The following SNX29 variants were observed in gnomAD, a reference collection of about 807,000 sequenced individuals.
SNX29 encodes sorting nexin-29.
SNX29 carries 78 observed loss-of-function variants against 102.1 expected under a neutral mutation model. That is an observed-to-expected ratio of 0.76 (90% CI 0.64 to 0.92). The LOEUF (loss-of-function observed/expected upper bound fraction) is 0.92. Among genes scored for constraint, SNX29 ranks in the 40% least tolerant of loss-of-function variants. The pLI is 0.00. For synonymous variants in SNX29, 580 were observed against 414.5 expected, an observed-to-expected ratio of 1.40 and a Z score of -4.85; for missense variants, 1,280 against 1,061.7, an observed-to-expected ratio of 1.21 and a Z score of -2.86.
At chr16:12,557,103 C>A (rs1010622801) in intron 20 of SNX29, among the ~76,000 whole-genome samples, 1 of 151,226 alleles carries the variant, frequency 6.6e-6, no homozygotes, top group East Asian at 2.0e-4. Context: ...GCTGCCTCAA[C>A]CTCCGAAAGT....
At chr16:12,448,471 C>T (rs1597413289) in intron 18 of SNX29, among the ~76,000 whole-genome samples, 1 of 147,782 alleles carries the variant, frequency 6.8e-6, no homozygotes, top group African/African-American at 2.5e-5. Context: ...ATTGGGAACT[C>T]TTTTTTTTTT....
intron 14 of SNX29, among the ~76,000 whole-genome samples, chr16:12,247,882 C>G (rs994489977): frequency 1.3e-5 from 2 of 152,204 alleles, no homozygotes; most frequent in African/African-American, 4.8e-5. Flanking sequence ...GTAAATCTAA[C>G]TTTTATCCCA....
chr16:12,039,922 C>T (rs1447307502), intron 4 of SNX29, among the ~76,000 whole-genome samples: 1 of 152,134 alleles, frequency 6.6e-6, no homozygotes, highest in Non-Finnish European at 1.5e-5. Flanking sequence ...GTGTTTACTG[C>T]AATAGCTGGT....
chr16:12,375,589 T>G (rs538253252), intron 16 of SNX29: 1 of 152,236 alleles, frequency 6.6e-6, no homozygotes, highest in Non-Finnish European at 1.5e-5. Flanking sequence ...TTACGGACTC[T>G]TGGACTGAGG....
intron 14 of SNX29, among the ~76,000 whole-genome samples, chr16:12,226,598 G>C (rs1328280533): frequency 7.2e-6 from 1 of 139,334 alleles, no homozygotes; most frequent in African/African-American, 2.6e-5. Context: ...TTTGGAGACA[G>C]AGTCTTGCTC....
chr16:12,332,784 T>A (rs1374259906), intron 15 of SNX29, among the ~76,000 whole-genome samples: 1 of 152,160 alleles, frequency 6.6e-6, no homozygotes. Context: ...GCCTCTGGTC[T>A]CCTCGTCAGT....
At chr16:12,357,781 A>G (rs2082182064) in intron 16 of SNX29, among the ~76,000 whole-genome samples, 1 of 151,846 alleles carries the variant, frequency 6.6e-6, no homozygotes, top group Non-Finnish European at 1.5e-5. Flanking sequence ...TTTCTTCAAC[A>G]GAGTCTTCTC....
chr16:12,140,434 C>T (rs953089372), intron 13 of SNX29, among the ~76,000 whole-genome samples: 1 of 152,228 alleles, frequency 6.6e-6, no homozygotes, highest in African/African-American at 2.4e-5. Flanking sequence ...CTGGGGGTGG[C>T]TGGCTTTCCC....
At chr16:12,470,485 A>C (rs1468334746) in intron 18 of SNX29, among the ~76,000 whole-genome samples, 1 of 152,170 alleles carries the variant, frequency 6.6e-6, no homozygotes, top group Non-Finnish European at 1.5e-5. Context: ...CAGGGACTGG[A>C]TAAATGCCCA....
At chr16:12,229,489 T>G (rs567557531) in intron 14 of SNX29, among the ~76,000 whole-genome samples, 1 of 152,316 alleles carries the variant, frequency 6.6e-6, no homozygotes, top group Non-Finnish European at 1.5e-5. Flanking sequence ...TTTTTGCCAA[T>G]GTAGAGATAC....
At chr16:12,053,331 A>G (rs1482370170) in intron 8 of SNX29, 3 of 150,368 alleles carry the variant, frequency 2.0e-5, no homozygotes, top group Non-Finnish European at 4.4e-5. Flanking sequence ...CAAATAAGCT[A>G]GTTACCTCTT....
Position 12,098,721 on chromosome 16 carries a change from A to G in SNX29, c.1402+19806A>G, listed in dbSNP as rs1217045080. On this transcript the variant is annotated intron_variant, in intron 11 of 20. Coordinates refer to ENST00000566228, the MANE Select transcript of SNX29 (RefSeq NM_032167.5). This position sits in a 1 kb window ranked among gnomAD's most constrained non-coding sequence, Gnocchi z 6.0. ...ACAGACACGTGAAGATCAAGAGGCTAGCTTTGTCATCAGTAAAGCTGGTTG... is the reference window on the plus strand; with the variant it reads ...ACAGACACGTGAAGATCAAGAGGCTGGCTTTGTCATCAGTAAAGCTGGTTG... Among the ~76,000 whole-genome samples, 3 of 152,216 alleles carry G rather than the reference A, an allele frequency of 2.0e-5. No homozygotes were observed. Among genetic ancestry groups the G allele is most frequent in the African/African-American group, 7.2e-5 (3 of 41,454 alleles).
intron 14 of SNX29, among the ~76,000 whole-genome samples, chr16:12,238,343 G>A (rs1042622369): frequency 6.9e-6 from 1 of 145,546 alleles, no homozygotes; most frequent in South Asian, 2.2e-4. Context: ...GCTCTATCAC[G>A]TAGGCTGGAG....
Position 12,010,999 on chromosome 16 carries a change from C to T in SNX29, c.122+7956C>T, listed in dbSNP as rs140566658. Among the ~76,000 whole-genome samples, 11 of 152,138 alleles carry T rather than the reference C, an allele frequency of 7.2e-5. No individual in the cohort carries two copies. The East Asian group carries it at 1.9e-3, about 27-fold the overall frequency. ...CCTGCATCACAAGTTTCTTACCAGC[C>T]TCTAACTAGTTTGAGGTGTTGACTG... On this transcript the variant is annotated intron_variant, in intron 3 of 20. Coordinates refer to ENST00000566228, the MANE Select transcript of SNX29 (RefSeq NM_032167.5).
chr16:12,449,763 G>T (rs1218782880), intron 18 of SNX29, among the ~76,000 whole-genome samples: 1 of 152,148 alleles, frequency 6.6e-6, no homozygotes, highest in African/African-American at 2.4e-5. Context: ...TCTCTTCCTT[G>T]CAACTCCAGT....
chr16:12,194,938 C>A (rs1330184235), intron 13 of SNX29, among the ~76,000 whole-genome samples: 1 of 152,208 alleles, frequency 6.6e-6, no homozygotes, highest in Non-Finnish European at 1.5e-5. Flanking sequence ...GGGGGTATTT[C>A]TAACCTCTTC....
intron 16 of SNX29, among the ~76,000 whole-genome samples, chr16:12,379,577 A>G (rs895005088): frequency 2.0e-5 from 3 of 152,232 alleles, no homozygotes; most frequent in Non-Finnish European, 4.4e-5. Flanking sequence ...TCAAAGAGTC[A>G]TCAGTTTCAA....
intron 20 of SNX29, among the ~76,000 whole-genome samples, chr16:12,559,928 G>T (rs140438982): frequency 2.0e-5 from 3 of 152,212 alleles, no homozygotes; most frequent in Admixed American, 6.5e-5. Context: ...GCAGTGAGTC[G>T]AGATTACATC....
chr16:12,277,813 T>G (rs1030875057), intron 14 of SNX29, 120 bp from the exon 15 acceptor site: 6 of 766,212 alleles, frequency 7.8e-6, no homozygotes, highest in Non-Finnish European at 1.3e-5. Flanking sequence ...TGTGTGTGTT[T>G]TTCTTGAGAG....
Sources: gnomAD v4.1 joint callset for allele counts (sites outside exome capture counted in the v4.1 genomes callset) on GRCh38, gnomAD v4.1.1 for gene constraint, Gnocchi (gnomAD v3.1) non-coding constraint, MANE v1.5 for transcripts, NCBI Gene and HGNC (gene_info 2026-07-23, HGNC 2026-07-21) for gene names.